BMERB1: variants seen among roughly 807,000 people sequenced by gnomAD.
The protein encoded by BMERB1 is bMERB domain-containing protein 1.
Under a neutral mutation model 23.6 loss-of-function variants are expected in BMERB1, and 12 were observed. The ratio of observed to expected loss-of-function variants is 0.51; its 90% CI spans 0.33 to 0.82. The LOEUF is 0.82. BMERB1 is among the 40% of genes least tolerant of loss of function. The pLI is 0.03. For missense variants in BMERB1, 247 were observed against 255.4 expected (o/e 0.97, Z 0.22); for synonymous variants, 122 against 96.6 (o/e 1.26, Z -1.54).
intron 1 of BMERB1, among the ~76,000 whole-genome samples, chr16:15,497,205 G>A (rs531806386): frequency 6.6e-6 from 1 of 152,210 alleles, no homozygotes; most frequent in African/African-American, 2.4e-5. Context: ...TGCAGCCAAG[G>A]AGCCAGTAAC....
intron 2 of BMERB1, among the ~76,000 whole-genome samples, chr16:15,558,038 C>T (rs564640943): frequency 3.3e-5 from 5 of 151,734 alleles, no homozygotes; most frequent in African/African-American, 9.7e-5. Context: ...AGCTAGACTC[C>T]GTCTCAAAAA....
chr16:15,497,267 A>G (rs1000889520), intron 1 of BMERB1, among the ~76,000 whole-genome samples: 1 of 152,204 alleles, frequency 6.6e-6, no homozygotes, highest in Non-Finnish European at 1.5e-5. Flanking sequence ...TTTATACAGC[A>G]GGGAAGAGAT....
At chr16:15,538,935 G>A (rs1277504115) in intron 2 of BMERB1, among the ~76,000 whole-genome samples, 2 of 152,122 alleles carry the variant, frequency 1.3e-5, no homozygotes, top group East Asian at 1.9e-4. Context: ...TTATAGCAGC[G>A]ATCCCCAACC....
Position 15,587,122 on chromosome 16 carries a change from C to T in BMERB1, c.*293C>T. On this transcript the variant is annotated 3_prime_UTR_variant, in exon 6 of 6. Coordinates refer to ENST00000300006, the MANE Select transcript of BMERB1 (RefSeq NM_033201.3). ...GGTCCTCCCTCAAAAAAGCATATCT[C>T]CACTTCTCTCTAGCTGTATCTAACC... 4.8e-6 allele frequency: 2 copies of T among 415,924 alleles called. No homozygotes were observed. Among genetic ancestry groups the T allele is most frequent in the Admixed American group, 8.3e-5 (2 of 24,146 alleles). 25.8% of individuals were successfully genotyped at this position (415,924 alleles called of 1,614,324 possible).
At chr16:15,535,386 G>A (rs552178906) in intron 2 of BMERB1, among the ~76,000 whole-genome samples, 4 of 151,794 alleles carry the variant, frequency 2.6e-5, no homozygotes, top group Admixed American at 6.6e-5. Context: ...GGTGGCTCAC[G>A]CCTGTAATCC....
chr16:15,461,781 A>G (rs896862861), intron 1 of BMERB1, among the ~76,000 whole-genome samples: 3 of 151,960 alleles, frequency 2.0e-5, no homozygotes, highest in African/African-American at 7.3e-5. Flanking sequence ...ACAAAACACA[A>G]AAATTAGCCA....
chr16:15,556,827 G>A (rs1343356070), intron 2 of BMERB1, among the ~76,000 whole-genome samples: 4 of 152,052 alleles, frequency 2.6e-5, no homozygotes, highest in African/African-American at 4.8e-5. Flanking sequence ...CTCGTGATCC[G>A]CCCTCCTCGG....
chr16:15,562,914 A>T (rs553938000), intron 2 of BMERB1, among the ~76,000 whole-genome samples: 5 of 152,284 alleles, frequency 3.3e-5, no homozygotes, highest in Non-Finnish European at 7.3e-5. Context: ...ACAACAAGAG[A>T]TGCAGGCTGA....
At position 15,587,805 on chromosome 16, in the gene BMERB1, G is replaced by GT. The variant is rs770226162; in HGVS notation, c.*977dup. On this transcript the variant is annotated 3_prime_UTR_variant, in exon 6 of 6. Coordinates refer to ENST00000300006, the MANE Select transcript of BMERB1 (RefSeq NM_033201.3). ...TAGCTGCCAAACAACTTCAACCCGT[G>GT]TAATTCATGTACATTTGCAACAGCC... is the stretch of plus-strand genomic sequence containing the variant. 5 of 257,404 alleles carry GT rather than the reference G, an allele frequency of 1.9e-5. No individual in the cohort carries two copies. Among genetic ancestry groups the GT allele is most frequent in the Non-Finnish European group, 4.0e-5 (5 of 123,776 alleles). 15.9% of individuals were successfully genotyped at this position (257,404 alleles called of 1,614,324 possible).
chr16:15,564,264 T>G (rs1469044367), intron 2 of BMERB1, among the ~76,000 whole-genome samples: 1 of 152,244 alleles, frequency 6.6e-6, no homozygotes, highest in East Asian at 1.9e-4. Context: ...TGTGTTCCCA[T>G]AAGCCTAAGG....
At chr16:15,574,989 G>T (rs914052031) in intron 3 of BMERB1, among the ~76,000 whole-genome samples, 1 of 152,220 alleles carries the variant, frequency 6.6e-6, no homozygotes, top group Non-Finnish European at 1.5e-5. Context: ...TGAGGCAGGA[G>T]AATTGCTTGA....
At chr16:15,532,272 C>T (rs1179046062) in intron 2 of BMERB1, among the ~76,000 whole-genome samples, 1 of 152,020 alleles carries the variant, frequency 6.6e-6, no homozygotes, top group African/African-American at 2.4e-5. Context: ...CACTCTGTCA[C>T]CTGGGCTGGA....
At chr16:15,435,454 G>C (rs111671) in intron 1 of BMERB1, among the ~76,000 whole-genome samples, 51,211 of 152,126 alleles carry the variant, frequency 0.34, 9,475 homozygotes, top group Middle Eastern at 0.48. Context: ...GTAAACGAAG[G>C]ATTTTGTTTT....
chr16:15,468,501 G>A (rs1015214340), intron 1 of BMERB1, among the ~76,000 whole-genome samples: 1 of 152,028 alleles, frequency 6.6e-6, no homozygotes, highest in Non-Finnish European at 1.5e-5. Context: ...AATTCCAAAA[G>A]GAAGGCAGGT....
At chr16:15,539,158 T>G (rs1321643551) in intron 2 of BMERB1, among the ~76,000 whole-genome samples, 1 of 152,184 alleles carries the variant, frequency 6.6e-6, no homozygotes, top group Admixed American at 6.5e-5. Flanking sequence ...TGCAACAAGA[T>G]GGTCCCATCT....
At chr16:15,527,396 G>T (rs565033721) in intron 2 of BMERB1, among the ~76,000 whole-genome samples, 28 of 152,190 alleles carry the variant, frequency 1.8e-4, no homozygotes, top group Non-Finnish European at 1.5e-4. Context: ...CCTGAGCTCA[G>T]GAGTTCGAGA....
intron 1 of BMERB1, among the ~76,000 whole-genome samples, chr16:15,496,175 A>G (rs548902416): frequency 6.7e-6 from 1 of 149,674 alleles, no homozygotes; most frequent in Non-Finnish European, 1.5e-5. Context: ...TGATGGTGAT[A>G]ATGACAGTGA....
chr16:15,520,624 C>T (rs977643490), intron 2 of BMERB1, among the ~76,000 whole-genome samples: 15 of 152,020 alleles, frequency 9.9e-5, no homozygotes, highest in Admixed American at 5.9e-4. Context: ...GCTGGGACTA[C>T]AGGCGCCCGC....
In BMERB1 at chr16:15,584,023, G is replaced by T. The variant is rs118162452; in HGVS notation, c.502+785G>T. The T allele has an allele frequency of 4.9e-3, 3,453 of 702,362 alleles. 9 individuals carry two copies. The highest frequency in any genetic ancestry group is 7.2e-3 in the Non-Finnish European group (2,768 of 384,824). The allele number at this position is 702,362 out of a possible 1,614,324, so 43.5% of individuals were successfully genotyped here. ...CTCTCTTAGGTCTGGAATCTCTGGAGAAGCCAGAAGCATATGTCTCAGAAT... is the reference window on the plus strand; with the variant it reads ...CTCTCTTAGGTCTGGAATCTCTGGATAAGCCAGAAGCATATGTCTCAGAAT... On this transcript the variant is annotated intron_variant, in intron 5 of 5. Coordinates refer to ENST00000300006, the MANE Select transcript of BMERB1 (RefSeq NM_033201.3).
Sources: allele counts gnomAD v4.1 joint callset (sites outside exome capture counted in the v4.1 genomes callset), GRCh38; gene constraint gnomAD v4.1.1; transcripts MANE v1.5; gene names NCBI Gene and HGNC (gene_info 2026-07-23, HGNC 2026-07-21).